The following SPRYD3 variants were observed in gnomAD, a reference collection of about 807,000 sequenced individuals.
The protein encoded by SPRYD3 is SPRY domain containing 3.
Under a neutral mutation model 50.1 loss-of-function variants are expected in SPRYD3, and 17 were observed. The observed-to-expected ratio is 0.34, with a 90% CI of 0.23 to 0.51. The LOEUF (loss-of-function observed/expected upper bound fraction) is 0.51, where lower values mean the gene tolerates loss of function less well. Ranked by LOEUF, SPRYD3 falls within the 20% of genes least tolerant of loss-of-function variation. SPRYD3 has a pLI of 0.97. For missense variants in SPRYD3, 401 were observed against 591.2 expected (o/e 0.68, Z 3.34); for synonymous variants, 198 against 215.5 (o/e 0.92, Z 0.71).
Position 53,065,921 on chromosome 12 carries a change from C to T in SPRYD3, c.1240G>A (p.Val414Ile). 1.2e-6 allele frequency: 2 copies of T among 1,613,978 alleles called. No individual in the cohort carries two copies. Among genetic ancestry groups the T allele is most frequent in the African/African-American group, 2.7e-5 (2 of 75,040 alleles). ...NGKIIGKKDA[V>I]VPSGGFFPTI... The stretch of plus-strand genomic sequence containing the variant: ...GGGAAGAAGCCTCCAGAAGGAACAA[C>T]AGCATCCTTCTTCCCAATGATCTTG... Residue 414 changes from valine (V) to isoleucine (I), a missense_variant, in exon 11 of 11, where the codon GTT becomes ATT. Coordinates refer to ENST00000301463, the MANE Select transcript of SPRYD3 (RefSeq NM_032840.3).
chr12:53,072,639 A>G (rs2121203854), intron 6 of SPRYD3, among the ~76,000 whole-genome samples: 1 of 152,302 alleles, frequency 6.6e-6, no homozygotes, highest in Admixed American at 6.5e-5. Flanking sequence ...AAAACTTAAA[A>G]TCCGGGGAGG....
At position 53,066,302 on chromosome 12, in the gene SPRYD3, C is replaced by G; in HGVS notation, c.1194+12G>C. ...AAAAACCCTGGTCCCACCTCAAACTCTCCGTACTCACCACCACCTTCCTGC... is the reference window on the plus strand; with the variant it reads ...AAAAACCCTGGTCCCACCTCAAACTGTCCGTACTCACCACCACCTTCCTGC... On this transcript the variant is annotated intron_variant, in intron 10 of 10. Transcript: ENST00000301463. 2 of 1,612,384 alleles carry G rather than the reference C, an allele frequency of 1.2e-6. No homozygotes were observed. Among genetic ancestry groups the G allele is most frequent in the Non-Finnish European group, 1.7e-6 (2 of 1,179,226 alleles).
Position 53,066,345 on chromosome 12 carries a change from A to G in SPRYD3, c.1163T>C (p.Ile388Thr), listed in dbSNP as rs747524061. ...CTTCCTGCCCTCATGCTCCGGCTCT[A>G]TCTCTTCCCCATCCTCTTCCTCTTC... ...EEEEEEDGEE[I>T]EPEHEGRKVV... The change falls in exon 10 of 11, where the codon ATA becomes ACA. Residue 388 changes from isoleucine (I) to threonine (T), a missense_variant. Physicochemically the swap from Ile to Thr is moderately conservative, Grantham distance 89. Coordinates refer to ENST00000301463, the MANE Select transcript of SPRYD3 (RefSeq NM_032840.3). 3 of 1,613,790 alleles carry G rather than the reference A, an allele frequency of 1.9e-6. No individual in the cohort carries two copies. Among genetic ancestry groups the G allele is most frequent in the Non-Finnish European group, 2.5e-6 (3 of 1,179,914 alleles).
intron 6 of SPRYD3, among the ~76,000 whole-genome samples, chr12:53,070,665 T>C (rs866735090): frequency 6.6e-6 from 1 of 152,232 alleles, no homozygotes; most frequent in South Asian, 2.1e-4. Flanking sequence ...AAGTGACCAA[T>C]ACACATTGCT....
chr12:53,073,259 C>CGGGGGGGGGGGGGGGGGGGGGGG, intron 6 of SPRYD3, 27 bp downstream of exon 6: 1 of 400,932 alleles, frequency 2.5e-6, no homozygotes. Flanking sequence ...CGACCCAGCC[C>CGGGGGGGGGGGGGGGGGGGGGGG]CTCCCACCCT....
chr12:53,065,347 C>G lies in SPRYD3; in HGVS notation c.*485G>C, dbSNP rs922346499. ...CCAAAGAGAGGTCCCCTGGCCCTGC[C>G]AGGGGTATGACAGCAGCAACTGGTT... On this transcript the variant is annotated 3_prime_UTR_variant, in exon 11 of 11. Transcript: ENST00000301463. 3.3e-5 allele frequency: 5 copies of G among 153,486 alleles called. No individual in the cohort carries two copies. The highest frequency in any genetic ancestry group is 1.2e-4 in the African/African-American group (5 of 41,440). The allele number at this position is 153,486 out of a possible 1,614,324, so 9.5% of individuals were successfully genotyped here.
At chr12:53,078,443 C>T (rs1944606433) in intron 1 of SPRYD3, among the ~76,000 whole-genome samples, 1 of 149,308 alleles carries the variant, frequency 6.7e-6, no homozygotes, top group Admixed American at 6.7e-5. Flanking sequence ...GAGCCGAGAT[C>T]GTCCCACTGC....
intron 6 of SPRYD3, 21 bp from the exon 7 acceptor site, chr12:53,068,325 G>A (rs759916967): frequency 1.2e-6 from 2 of 1,612,586 alleles, no homozygotes; most frequent in East Asian, 2.2e-5. Flanking sequence ...AGAGCCAGAT[G>A]GGGGTCAGGG....
Position 53,073,373 on chromosome 12 carries a change from C to A in SPRYD3, c.606G>T (p.Glu202Asp). 6.3e-7 allele frequency: 1 copy of A among 1,593,158 alleles called. No homozygotes were observed. The highest frequency in any genetic ancestry group is 8.5e-7 in the Non-Finnish European group (1 of 1,169,858). ...TGACGCTGTCGTCCTCACGGCCCAG[C>A]TCAGCGTTGAGGTGCAGCCGCACCT... is the stretch of plus-strand genomic sequence containing the variant. Reference protein sequence around the residue: ...GEEVRLHLNAELGREDDSVMM... With the variant: ...GEEVRLHLNADLGREDDSVMM... Residue 202 changes from glutamate (E) to aspartate (D), a missense_variant, in exon 6 of 11, where the codon GAG becomes GAT. Coordinates refer to ENST00000301463, the MANE Select transcript of SPRYD3 (RefSeq NM_032840.3).
chr12:53,067,267 G>A (rs1944516624), intron 8 of SPRYD3, among the ~76,000 whole-genome samples: 1 of 152,084 alleles, frequency 6.6e-6, no homozygotes, highest in Admixed American at 6.5e-5. Context: ...TGAACACCCA[G>A]GGAGGGCAGG....
At chr12:53,073,256 G>GCCCCCGGGGGGGGGGGGGCCCC in intron 6 of SPRYD3, 30 bp downstream of exon 6, 1 of 424,134 alleles carries the variant, frequency 2.4e-6, no homozygotes. Flanking sequence ...CTCCGACCCA[G>GCCCCCGGGGGGGGGGGGGCCCC]CCCCTCCCAC....
In SPRYD3 at chr12:53,065,706, G is replaced by A. The variant is rs745445022; in HGVS notation, c.*126C>T. The A allele has an allele frequency of 4.0e-5, 39 of 984,592 alleles. No homozygotes were observed. Among genetic ancestry groups the A allele is most frequent in the Non-Finnish European group, 5.8e-5 (38 of 652,280 alleles). The allele number at this position is 984,592 out of a possible 1,614,324, so 61.0% of individuals were successfully genotyped here. On this transcript the variant is annotated 3_prime_UTR_variant, in exon 11 of 11. Transcript: ENST00000301463. Reference sequence around the variant, plus strand: ...AAGCGTGACAGGGGCCTGAGCCAGTGGGGGCAGAGTGACTACACACCTCCA... The same window carrying A: ...AAGCGTGACAGGGGCCTGAGCCAGTAGGGGCAGAGTGACTACACACCTCCA...
At chr12:53,075,613 C>G in intron 3 of SPRYD3, 123 bp downstream of exon 3, 1 of 773,650 alleles carries the variant, frequency 1.3e-6, no homozygotes, top group South Asian at 1.6e-5. Flanking sequence ...TCCCAGCCAA[C>G]AGGACAGCCC....
intron 6 of SPRYD3, among the ~76,000 whole-genome samples, chr12:53,070,817 C>T (rs1944544213): frequency 6.6e-6 from 1 of 152,328 alleles, no homozygotes; most frequent in Non-Finnish European, 1.5e-5. Flanking sequence ...CCAGACAACT[C>T]TACCCTATGT....
intron 1 of SPRYD3, 67 bp from the exon 2 acceptor site, chr12:53,077,328 C>A (rs1160048588): frequency 2.0e-5 from 31 of 1,575,818 alleles, no homozygotes; most frequent in Middle Eastern, 1.9e-4. Flanking sequence ...GCCTCTGTGA[C>A]CCAGAAGGTA....
intron 2 of SPRYD3, among the ~76,000 whole-genome samples, 185 bp from the exon 3 acceptor site, chr12:53,075,996 A>T (rs972005209): frequency 6.6e-6 from 1 of 152,206 alleles, no homozygotes; most frequent in Non-Finnish European, 1.5e-5. Flanking sequence ...CTCCTCTCGC[A>T]GCCTCCAGCT....
rs1278942497 is a variant in SPRYD3 at position 53,066,371 on chromosome 12, C to T, written c.1137G>A (p.Glu379=). Reference sequence around the variant, plus strand: ...TCTCTTCCCCATCCTCTTCCTCTTCCTCTTCCTCCTCTTCCTCTTCCCCTT... The same window carrying T: ...TCTCTTCCCCATCCTCTTCCTCTTCTTCTTCCTCCTCTTCCTCTTCCCCTT... The part of the protein sequence containing the change: ...HQEGEEEEEE[E]EEEEDGEEIE... Residue 379 remains glutamate, a synonymous_variant, in exon 10 of 11, where the codon GAG becomes GAA. Transcript: ENST00000301463. 2.5e-6 allele frequency: 4 copies of T among 1,613,984 alleles called. No homozygotes were observed. In the Admixed American group the frequency reaches 6.7e-5, roughly 27 times the overall value.
intron 1 of SPRYD3, among the ~76,000 whole-genome samples, chr12:53,077,564 G>T (rs1036987981): frequency 6.6e-6 from 1 of 152,218 alleles, no homozygotes; most frequent in Non-Finnish European, 1.5e-5. Context: ...AAAAGAACAG[G>T]GTGATATGAT....
intron 6 of SPRYD3, 31 bp downstream of exon 6, chr12:53,073,255 A>AC: frequency 2.6e-6 from 1 of 383,668 alleles, no homozygotes; most frequent in Non-Finnish European, 4.9e-6. Flanking sequence ...CCTCCGACCC[A>AC]GCCCCTCCCA....
Sources: gnomAD v4.1 joint callset for allele counts (sites outside exome capture counted in the v4.1 genomes callset) on GRCh38, gnomAD v4.1.1 for gene constraint, MANE v1.5 for transcripts, NCBI Gene and HGNC (gene_info 2026-07-23, HGNC 2026-07-21) for gene names.